Variants in DENND6B observed in about 807,000 individuals in gnomAD.
DENND6B encodes DENN domain containing 6B.
Under a neutral mutation model 85.1 loss-of-function variants are expected in DENND6B, and 73 were observed. The ratio of observed to expected loss-of-function variants is 0.86; its 90% CI spans 0.71 to 1.04. The LOEUF (loss-of-function observed/expected upper bound fraction) is 1.04. DENND6B is among the 50% of genes least tolerant of loss of function. The pLI is 0.00. For missense variants in DENND6B, 715 were observed against 785.8 expected (o/e 0.91, Z 1.08); for synonymous variants, 357 against 329.3 (o/e 1.08, Z -0.91).
Position 50,312,701 on chromosome 22 carries a change from G to A in DENND6B, c.1458-76C>T, listed in dbSNP as rs1294080282. The A allele has an allele frequency of 2.8e-3, 2,395 of 849,216 alleles. 53 individuals carry two copies. The African/African-American group carries it at 0.045, about 16-fold the overall frequency. The allele number at this position is 849,216 out of a possible 1,614,324, so 52.6% of individuals were successfully genotyped here. On this transcript the variant is annotated intron_variant, in intron 17 of 19. Coordinates refer to ENST00000413817, the MANE Select transcript of DENND6B (RefSeq NM_001001794.4). ...AGGCGGGGGCCATGGGGCTGACCCTGGGGATTGACAGGCGGGGGGCCATGG... is the reference window on the plus strand; with the variant it reads ...AGGCGGGGGCCATGGGGCTGACCCTAGGGATTGACAGGCGGGGGGCCATGG...
chr22:50,312,523 C>T lies in DENND6B; in HGVS notation c.1560G>A (p.Ala520=), dbSNP rs777519916. The T allele has an allele frequency of 7.6e-6, 12 of 1,584,500 alleles. No individual in the cohort carries two copies. The highest frequency in any genetic ancestry group is 3.6e-5 in the Admixed American group (2 of 55,472). ...EALHLEAICE[A]NIETWMKDKS... ...CTCCCCAACCCCCAGCCTCTCTCAC[C>T]GCCTCACAGATAGCCTCCAGGTGCA... Residue 520 remains alanine, a splice_region_variant and synonymous_variant, in exon 18 of 20, where the codon GCG becomes GCA. Coordinates refer to ENST00000413817, the MANE Select transcript of DENND6B (RefSeq NM_001001794.4).
chr22:50,323,102 C>T (rs1382594194), intron 1 of DENND6B, among the ~76,000 whole-genome samples: 3 of 138,598 alleles, frequency 2.2e-5, no homozygotes, highest in South Asian at 2.3e-4. Flanking sequence ...CTCCTGACCT[C>T]GTGATCAGCC....
At position 50,315,730 on chromosome 22, in the gene DENND6B, C is replaced by A; in HGVS notation, c.742G>T (p.Glu248Ter). 6.4e-7 allele frequency: 1 copy of A among 1,559,938 alleles called. No homozygotes were observed. Among genetic ancestry groups the A allele is most frequent in the South Asian group, 1.2e-5 (1 of 83,456 alleles). ...PAPVVLASVH[E>*]LDLFRCFRPV... Reference sequence around the variant, plus strand: ...GGGGCTCACCTGAACAGGTCCAGCTCGTGGACGCTAGCAAGAACCACTGGG... The same window carrying A: ...GGGGCTCACCTGAACAGGTCCAGCTAGTGGACGCTAGCAAGAACCACTGGG... Residue 248 changes from glutamate to a stop codon, truncating the protein, a stop_gained, in exon 9 of 20, where the codon GAG becomes TAG. Coordinates refer to ENST00000413817, the MANE Select transcript of DENND6B (RefSeq NM_001001794.4). LOFTEE classifies it high-confidence loss of function.
intron 1 of DENND6B, among the ~76,000 whole-genome samples, chr22:50,320,919 G>A (rs937847273): frequency 6.6e-6 from 1 of 152,182 alleles, no homozygotes; most frequent in African/African-American, 2.4e-5. Context: ...TGTCCCTGGG[G>A]CCCAGGTACA....
chr22:50,323,284 T>C (rs2042106657), intron 1 of DENND6B, among the ~76,000 whole-genome samples: 1 of 147,128 alleles, frequency 6.8e-6, no homozygotes, highest in Non-Finnish European at 1.5e-5. Flanking sequence ...CCTGGCTCTT[T>C]TTTTTTTTTT....
chr22:50,318,221 C>T (rs1347179136), intron 3 of DENND6B, among the ~76,000 whole-genome samples: 5 of 152,196 alleles, frequency 3.3e-5, no homozygotes, highest in Non-Finnish European at 7.4e-5. Context: ...CACACACCTG[C>T]AATCCCAACT....
intron 1 of DENND6B, chr22:50,319,599 C>T (rs62241235): frequency 0.39 from 304,566 of 787,106 alleles, 56,842 homozygotes; most frequent in South Asian, 0.58. Context: ...ACCCGCCAAG[C>T]CAGAGGGCCC....
intron 12 of DENND6B, 49 bp downstream of exon 12, chr22:50,314,351 T>C (rs915152433): frequency 4.4e-6 from 7 of 1,576,222 alleles, no homozygotes; most frequent in Non-Finnish European, 6.0e-6. Context: ...GGCCCCACAC[T>C]CAACGAGGCT....
At chr22:50,316,144 G>A (rs750969752) in intron 7 of DENND6B, 30 bp downstream of exon 7, 15 of 1,612,520 alleles carry the variant, frequency 9.3e-6, no homozygotes, top group Non-Finnish European at 1.1e-5. Flanking sequence ...CACACCTGCA[G>A]AGCCTACTCC....
intron 1 of DENND6B, 40 bp from the exon 2 acceptor site, chr22:50,319,043 C>T (rs2041954406): frequency 1.3e-6 from 2 of 1,566,400 alleles, no homozygotes; most frequent in Non-Finnish European, 1.7e-6. Flanking sequence ...ACCATCTGTC[C>T]GAGGAGGCGA....
In DENND6B at chr22:50,326,748, C is replaced by T. The variant is rs538348151; in HGVS notation, c.177+64G>A. The T allele has an allele frequency of 3.9e-6, 5 of 1,281,592 alleles. No homozygotes were observed. The East Asian group carries it at 9.8e-5, about 25-fold the overall frequency. The allele number at this position is 1,281,592 out of a possible 1,614,324, so 79.4% of individuals were successfully genotyped here. A position where few individuals can be genotyped will look rare whatever the true frequency, so the allele number is the denominator to read the frequency against. On this transcript the variant is annotated intron_variant, in intron 1 of 19. Transcript: ENST00000413817. ...GGGCGGCCGAGGGCCCCAAGCGAGGCGGGACTGGCCCCGAGAGGCGCAGCC... is the reference window on the plus strand; with the variant it reads ...GGGCGGCCGAGGGCCCCAAGCGAGGTGGGACTGGCCCCGAGAGGCGCAGCC...
At position 50,318,840 on chromosome 22, in the gene DENND6B, T is replaced by C; in HGVS notation, c.259+7A>G. The C allele has an allele frequency of 1.2e-6, 2 of 1,613,142 alleles. No homozygotes were observed. The highest frequency in any genetic ancestry group is 1.7e-6 in the Non-Finnish European group (2 of 1,179,634). ...TGTCCAGCCCCAGGAAAGGTGGGGT[T>C]GCCTACCTGAGTGCGAGTCGGGAAA... On this transcript the variant is annotated splice_region_variant and intron_variant, in intron 3 of 19. Coordinates refer to ENST00000413817, the MANE Select transcript of DENND6B (RefSeq NM_001001794.4).
At chr22:50,317,146 A>G in intron 5 of DENND6B, 147 bp downstream of exon 5, 1 of 712,720 alleles carries the variant, frequency 1.4e-6, no homozygotes, top group Non-Finnish European at 2.3e-6. Context: ...GGGGGCGGCA[A>G]GGAGAGCTGG....
chr22:50,322,076 T>C (rs62241240), intron 1 of DENND6B, among the ~76,000 whole-genome samples: 1 of 114,202 alleles, frequency 8.8e-6, no homozygotes, highest in African/African-American at 3.0e-5. Context: ...GGGTCCTCAA[T>C]AATTTTTTTT....
In DENND6B at chr22:50,327,008, C is replaced by G. The variant is rs945334890; in HGVS notation, c.-20G>C. The G allele has an allele frequency of 3.4e-5, 40 of 1,163,494 alleles. No individual in the cohort carries two copies. The highest frequency in any genetic ancestry group is 4.2e-5 in the Non-Finnish European group (40 of 945,700). The allele number at this position is 1,163,494 out of a possible 1,614,324, so 72.1% of individuals were successfully genotyped here. ...GTCCATGGCGGCGGCCGCGGGTTGCCGGGGAAACGCGGGCGGGGGCGGCGC... is the reference window on the plus strand; with the variant it reads ...GTCCATGGCGGCGGCCGCGGGTTGCGGGGGAAACGCGGGCGGGGGCGGCGC... On this transcript the variant is annotated 5_prime_UTR_variant, in exon 1 of 20. Transcript: ENST00000413817.
At chr22:50,323,280 T>C in intron 1 of DENND6B, among the ~76,000 whole-genome samples, 1 of 128,384 alleles carries the variant, frequency 7.8e-6, no homozygotes, top group African/African-American at 2.8e-5. Flanking sequence ...CATGCCTGGC[T>C]CTTTTTTTTT....
In DENND6B at chr22:50,312,665, T is replaced by G. The variant is rs1369061924; in HGVS notation, c.1458-40A>C. The G allele has an allele frequency of 4.0e-6, 6 of 1,484,936 alleles. No individual in the cohort carries two copies. In the South Asian group the frequency reaches 7.3e-5, roughly 18 times the overall value. The allele number at this position is 1,484,936 out of a possible 1,614,324, so 92.0% of individuals were successfully genotyped here. Reference sequence around the variant, plus strand: ...AGGCGGGGGGCCATGGGGCTGACCCTGGGGATTGACAGGCGGGGGCCATGG... The same window carrying G: ...AGGCGGGGGGCCATGGGGCTGACCCGGGGGATTGACAGGCGGGGGCCATGG... On this transcript the variant is annotated intron_variant, in intron 17 of 19. Transcript: ENST00000413817.
Position 50,317,256 on chromosome 22 carries a change from T to C in DENND6B, c.453+37A>G. 3 of 1,609,946 alleles carry C rather than the reference T, an allele frequency of 1.9e-6. 1 individual carries two copies. Among genetic ancestry groups the C allele is most frequent in the Middle Eastern group, 3.3e-4 (2 of 6,056 alleles). ...CCTGCTGCCTGCCAGCTCCTGCCGC[T>C]CTTGAGGTGCCAGCCCAGAGTGGCC... On this transcript the variant is annotated intron_variant, in intron 5 of 19. Coordinates refer to ENST00000413817, the MANE Select transcript of DENND6B (RefSeq NM_001001794.4).
At chr22:50,325,863 T>A (rs1337323257) in intron 1 of DENND6B, among the ~76,000 whole-genome samples, 1 of 152,230 alleles carries the variant, frequency 6.6e-6, no homozygotes, top group African/African-American at 2.4e-5. Flanking sequence ...ATGCTTCTCA[T>A]GGCCTCTTGG....
Sources: gnomAD v4.1 joint callset for allele counts (sites outside exome capture counted in the v4.1 genomes callset) on GRCh38, gnomAD v4.1.1 for gene constraint, MANE v1.5 for transcripts, NCBI Gene and HGNC (gene_info 2026-07-23, HGNC 2026-07-21) for gene names.